Variants in CNTN5 observed in about 807,000 individuals in gnomAD.
CNTN5 encodes the protein contactin-5.
CNTN5 carries 77 observed loss-of-function variants against 129.1 expected under a neutral mutation model. The ratio of observed to expected loss-of-function variants is 0.60; its 90% CI spans 0.50 to 0.72. The LOEUF is 0.72. Ranked by LOEUF, CNTN5 falls within the 30% of genes least tolerant of loss-of-function variation. The pLI, the probability that CNTN5 is intolerant of heterozygous loss-of-function variation, is 0.00. For missense variants in CNTN5, 1,478 were observed against 1,328.8 expected (o/e 1.11, Z -1.75); for synonymous variants, 509 against 465.6 (o/e 1.09, Z -1.20).
intron 13 of CNTN5, among the ~76,000 whole-genome samples, chr11:100,147,931 A>C (rs888922285): frequency 1.3e-5 from 2 of 152,148 alleles, no homozygotes; most frequent in African/African-American, 4.8e-5. Flanking sequence ...TTAATTTAGA[A>C]GGTGTATGTT....
At chr11:99,277,380 C>G (rs761375223) in intron 1 of CNTN5, among the ~76,000 whole-genome samples, 9 of 151,588 alleles carry the variant, frequency 5.9e-5, no homozygotes, top group Non-Finnish European at 1.2e-4. Context: ...ATTTCCTAGA[C>G]TTCCATGTGA....
chr11:99,801,167 A>AT (rs1358877280), intron 3 of CNTN5, among the ~76,000 whole-genome samples: 1 of 152,108 alleles, frequency 6.6e-6, no homozygotes, highest in African/African-American at 2.4e-5. Context: ...TCTGCAAAAG[A>AT]TTTTATTATG....
chr11:99,987,760 G>A (rs1938785518), intron 8 of CNTN5, among the ~76,000 whole-genome samples: 1 of 151,954 alleles, frequency 6.6e-6, no homozygotes, highest in Admixed American at 6.6e-5. Context: ...GAGGAAAAGT[G>A]GCTTCAGACT....
At chr11:99,454,589 C>T (rs1342652176) in intron 2 of CNTN5, among the ~76,000 whole-genome samples, 1 of 152,122 alleles carries the variant, frequency 6.6e-6, no homozygotes, top group African/African-American at 2.4e-5. Context: ...CGACCTATAG[C>T]CCCTCCTCAT....
At chr11:99,492,005 T>C (rs1037668260) in intron 2 of CNTN5, among the ~76,000 whole-genome samples, 1 of 152,112 alleles carries the variant, frequency 6.6e-6, no homozygotes, top group Non-Finnish European at 1.5e-5. Context: ...CTGCAAGGAA[T>C]TGTGCTCTGT....
At chr11:99,740,102 TGAG>T (rs1943842056) in intron 3 of CNTN5, among the ~76,000 whole-genome samples, 2 of 152,174 alleles carry the variant, frequency 1.3e-5, no homozygotes, top group Admixed American at 6.6e-5. Context: ...TAAATAATCT[TGAG>T]GAAGAATGAT....
At chr11:99,452,322 T>A (rs553602107) in intron 2 of CNTN5, among the ~76,000 whole-genome samples, 1 of 152,026 alleles carries the variant, frequency 6.6e-6, no homozygotes, top group East Asian at 1.9e-4. Flanking sequence ...TATGACAGTC[T>A]GAATTTTCTC....
chr11:99,576,637 G>A (rs1190022718), intron 3 of CNTN5, among the ~76,000 whole-genome samples: 1 of 152,102 alleles, frequency 6.6e-6, no homozygotes, highest in Non-Finnish European at 1.5e-5. Context: ...ACCATAAACT[G>A]GGTGGCTTAT....
chr11:99,192,750 C>A (rs952566671), intron 1 of CNTN5, among the ~76,000 whole-genome samples: 2 of 151,974 alleles, frequency 1.3e-5, no homozygotes, highest in Non-Finnish European at 2.9e-5. Context: ...TTAAAAAGAA[C>A]ATTCCCTAGT....
At chr11:99,747,546 A>C (rs1944094809) in intron 3 of CNTN5, among the ~76,000 whole-genome samples, 1 of 146,728 alleles carries the variant, frequency 6.8e-6, no homozygotes, top group Non-Finnish European at 1.5e-5. Context: ...GCTCACTGCA[A>C]GCTCTGCCTC....
rs1395363548 is a variant in CNTN5, at chr11:99,097,307, G to C, written c.-210+76037G>C. On this transcript the variant is annotated intron_variant, in intron 1 of 24. Coordinates refer to ENST00000524871, the MANE Select transcript of CNTN5 (RefSeq NM_014361.4). Reference sequence around the variant, plus strand: ...TATGAGTACAAACTGAGATGGGGTTGGAGATTATATACGTTCCACTGGAAA... The same window carrying C: ...TATGAGTACAAACTGAGATGGGGTTCGAGATTATATACGTTCCACTGGAAA... Among the ~76,000 whole-genome samples the C allele has an allele frequency of 2.6e-5, 4 of 151,704 alleles. No homozygotes were observed. The East Asian group carries it at 7.8e-4, about 29-fold the overall frequency.
chr11:99,380,898 T>G (rs1940516131), intron 2 of CNTN5, among the ~76,000 whole-genome samples: 1 of 152,152 alleles, frequency 6.6e-6, no homozygotes, highest in African/African-American at 2.4e-5. Context: ...GAACCCTGAT[T>G]ATTTTGAGTT....
chr11:99,185,761 A>C (rs1441046042), intron 1 of CNTN5, among the ~76,000 whole-genome samples: 7 of 151,768 alleles, frequency 4.6e-5, no homozygotes, highest in Non-Finnish European at 7.4e-5. Context: ...AAGGAGGGGA[A>C]ATAAAATAAA....
At chr11:99,659,364 A>T (rs980438781) in intron 3 of CNTN5, among the ~76,000 whole-genome samples, 1 of 152,212 alleles carries the variant, frequency 6.6e-6, no homozygotes, top group African/African-American at 2.4e-5. Context: ...ACCATAAGAT[A>T]TATAAGTAAA....
Position 99,536,087 on chromosome 11 carries a change from T to C in CNTN5, c.-70-20058T>C, listed in dbSNP as rs1180131778. Among the ~76,000 whole-genome samples, 5 of 152,242 alleles carry C rather than the reference T, an allele frequency of 3.3e-5. No individual in the cohort carries two copies. In the East Asian group the frequency reaches 9.6e-4, roughly 29 times the overall value. On this transcript the variant is annotated intron_variant, in intron 2 of 24. Transcript: ENST00000524871. ...AGAGATAGGGTATACAAATGAATCA[T>C]TTAATAGGTAAATATTAACTGATGA...
chr11:99,154,952 G>T (rs538213663), intron 1 of CNTN5, among the ~76,000 whole-genome samples: 2 of 152,158 alleles, frequency 1.3e-5, no homozygotes, highest in African/African-American at 4.8e-5. Context: ...AGACGGTCCT[G>T]CTCCACGTCC....
At position 100,085,897 on chromosome 11, in the gene CNTN5, G is replaced by A. The variant is rs78779353; in HGVS notation, c.1580+11603G>A. Among the ~76,000 whole-genome samples the A allele has an allele frequency of 1.8e-3, 278 of 152,124 alleles. 7 individuals are homozygous for A. In the East Asian group the frequency reaches 0.047, roughly 26 times the overall value. On this transcript the variant is annotated intron_variant, in intron 13 of 24. Coordinates refer to ENST00000524871, the MANE Select transcript of CNTN5 (RefSeq NM_014361.4). ...TAGATAAAAGATAAGCTTCCTGGGG[G>A]AACTGCCATTGAAGTGGTCTTGGAA...
At chr11:99,276,226 T>C (rs923813314) in intron 1 of CNTN5, among the ~76,000 whole-genome samples, 17 of 151,744 alleles carry the variant, frequency 1.1e-4, no homozygotes, top group African/African-American at 4.1e-4. Flanking sequence ...TCGCATTCAG[T>C]TGAAATGTCT....
intron 3 of CNTN5, among the ~76,000 whole-genome samples, chr11:99,703,746 A>T (rs555919219): frequency 6.6e-6 from 1 of 151,104 alleles, no homozygotes; most frequent in South Asian, 2.1e-4. Context: ...TCAACATATG[A>T]AGTTATTGGC....
Sources: allele counts gnomAD v4.1 joint callset (sites outside exome capture counted in the v4.1 genomes callset), GRCh38; gene constraint gnomAD v4.1.1; transcripts MANE v1.5; gene names NCBI Gene and HGNC (gene_info 2026-07-23, HGNC 2026-07-21).